The following LEMD3 variants were observed in gnomAD, a reference collection of about 807,000 sequenced individuals.
LEMD3 encodes LEM domain containing 3.
LEMD3 carries 33 observed loss-of-function variants against 95.2 expected under a neutral mutation model. The observed-to-expected ratio is 0.35, with a 90% CI of 0.26 to 0.46. The LOEUF (loss-of-function observed/expected upper bound fraction) is 0.46, where lower values mean the gene tolerates loss of function less well. Ranked by LOEUF, LEMD3 falls within the 20% of genes least tolerant of loss-of-function variation. The pLI, the probability that LEMD3 is intolerant of heterozygous loss-of-function variation, is 1.00. For synonymous variants in LEMD3, 525 were observed against 474.6 expected (o/e 1.11, Z -1.38); for missense variants, 1,210 against 1,192.8 (o/e 1.01, Z -0.21).
intron 2 of LEMD3, among the ~76,000 whole-genome samples, chr12:65,214,260 G>A (rs1451565320): frequency 1.3e-5 from 2 of 152,070 alleles, no homozygotes; most frequent in Admixed American, 6.5e-5. Context: ...CTCCCAAAGT[G>A]CTGAGATTAC....
At chr12:65,217,113 C>T (rs1870134019) in intron 3 of LEMD3, among the ~76,000 whole-genome samples, 1 of 152,136 alleles carries the variant, frequency 6.6e-6, no homozygotes, top group Admixed American at 6.5e-5. Flanking sequence ...ATCTGATGTG[C>T]TTTTAAAGAT....
intron 1 of LEMD3, among the ~76,000 whole-genome samples, chr12:65,203,217 G>T (rs960491156): frequency 5.9e-5 from 9 of 152,010 alleles, no homozygotes; most frequent in African/African-American, 1.7e-4. Context: ...CTGCAATCAG[G>T]CCTTGGCAAT....
chr12:65,177,705 G>GTAACATGT (rs552302181), intron 1 of LEMD3, among the ~76,000 whole-genome samples: 100 of 152,188 alleles, frequency 6.6e-4, no homozygotes, highest in African/African-American at 2.0e-3. Flanking sequence ...TTACAAAGAA[G>GTAACATGT]TAACATGTTT....
intron 1 of LEMD3, among the ~76,000 whole-genome samples, chr12:65,207,721 T>C (rs1869806555): frequency 6.6e-6 from 1 of 152,162 alleles, no homozygotes; most frequent in South Asian, 2.1e-4. Flanking sequence ...CTATTGCCTG[T>C]TTTCCTGACT....
chr12:65,217,676 C>T (rs979775571), intron 3 of LEMD3, among the ~76,000 whole-genome samples: 1 of 152,084 alleles, frequency 6.6e-6, no homozygotes, highest in Non-Finnish European at 1.5e-5. Context: ...AGAAAAAGCC[C>T]TGAATTCGCT....
intron 1 of LEMD3, among the ~76,000 whole-genome samples, chr12:65,180,698 A>G (rs559311757): frequency 6.6e-6 from 1 of 152,320 alleles, no homozygotes; most frequent in South Asian, 2.1e-4. Flanking sequence ...GCTTTTGCAC[A>G]GCTTTTTACT....
At position 65,170,534 on chromosome 12, in the gene LEMD3, G is replaced by A; in HGVS notation, c.938G>A (p.Gly313Glu). The change falls in exon 1 of 13, where the codon GGG (glycine) becomes GAG (glutamate). Residue 313 changes from glycine (G) to glutamate (E), a missense_variant. Transcript: ENST00000308330. ...AGGCTGGAGACTTCAGTTCAGGGAGGGGGAGGACTCGCGATGAATGACAGG... is the reference window on the plus strand; with the variant it reads ...AGGCTGGAGACTTCAGTTCAGGGAGAGGGAGGACTCGCGATGAATGACAGG... ...GGRLETSVQG[G>E]GGLAMNDRAA... 6 of 1,614,108 alleles carry A rather than the reference G, an allele frequency of 3.7e-6. No homozygotes were observed. Among genetic ancestry groups the A allele is most frequent in the Non-Finnish European group, 5.1e-6 (6 of 1,180,018 alleles).
At chr12:65,195,628 C>T (rs1869406411) in intron 1 of LEMD3, among the ~76,000 whole-genome samples, 1 of 152,098 alleles carries the variant, frequency 6.6e-6, no homozygotes, top group African/African-American at 2.4e-5. Flanking sequence ...GCTAAGGCTT[C>T]AGGCTTCAAT....
intron 1 of LEMD3, among the ~76,000 whole-genome samples, chr12:65,173,072 T>G (rs566378365): frequency 5.9e-5 from 9 of 152,314 alleles, no homozygotes; most frequent in Admixed American, 3.9e-4. Context: ...ATGCACTGAG[T>G]GTTGAACAGT....
intron 1 of LEMD3, among the ~76,000 whole-genome samples, chr12:65,184,240 C>G (rs1868993022): frequency 6.6e-6 from 1 of 152,070 alleles, no homozygotes; most frequent in Non-Finnish European, 1.5e-5. Context: ...TATTTTCTCA[C>G]AAACTTTTTC....
chr12:65,230,058 C>T (rs1332680794), intron 4 of LEMD3, among the ~76,000 whole-genome samples: 3 of 152,162 alleles, frequency 2.0e-5, no homozygotes, highest in Admixed American at 2.0e-4. Flanking sequence ...AGTGAAGAGA[C>T]TGTCCTCTCC....
intron 4 of LEMD3, among the ~76,000 whole-genome samples, chr12:65,221,769 C>T (rs999668860): frequency 2.2e-5 from 3 of 136,216 alleles, no homozygotes; most frequent in Non-Finnish European, 3.1e-5. Context: ...GAGACAGAGT[C>T]TCACTCTGTC....
chr12:65,221,033 A>G (rs924265886), intron 4 of LEMD3, among the ~76,000 whole-genome samples: 2 of 152,110 alleles, frequency 1.3e-5, no homozygotes, highest in Admixed American at 6.5e-5. Context: ...TATTAGGATT[A>G]TGTCTTCTAT....
At chr12:65,207,362 G>A (rs1869796367) in intron 1 of LEMD3, among the ~76,000 whole-genome samples, 2 of 151,990 alleles carry the variant, frequency 1.3e-5, no homozygotes, top group Non-Finnish European at 2.9e-5. Flanking sequence ...TCTTGTTGGG[G>A]GTGGGGGTGA....
intron 4 of LEMD3, among the ~76,000 whole-genome samples, chr12:65,232,737 G>C (rs927620623): frequency 6.6e-6 from 1 of 152,066 alleles, no homozygotes; most frequent in Admixed American, 6.6e-5. Context: ...TTATATTTCC[G>C]TGAAAATACA....
At chr12:65,227,427 A>G (rs1592456277) in intron 4 of LEMD3, among the ~76,000 whole-genome samples, 2 of 152,198 alleles carry the variant, frequency 1.3e-5, no homozygotes, top group African/African-American at 2.4e-5. Flanking sequence ...CTCTTAAAGC[A>G]TATGAAATAG....
chr12:65,196,918 GTTTA>G, intron 1 of LEMD3, among the ~76,000 whole-genome samples: 1 of 152,260 alleles, frequency 6.6e-6, no homozygotes, highest in South Asian at 2.1e-4. Flanking sequence ...ATTTAGCAGA[GTTTA>G]TTTAAGCAAA....
rs913205944 is a variant in LEMD3, at chr12:65,169,687, G to C, written c.91G>C (p.Val31Leu). Residue 31 changes from valine (V) to leucine (L), a missense_variant, in exon 1 of 13, where the codon GTG (valine) becomes CTG (leucine). This residue lies in a region of LEMD3 where 749 missense variants were observed against 622.9 expected (regional missense o/e 1.20). Coordinates refer to ENST00000308330, the MANE Select transcript of LEMD3 (RefSeq NM_014319.5). The part of the protein sequence containing the change: ...LRRYGLSPGP[V>L]TESTRPVYLK... ...CCGTTACGGCCTGTCTCCCGGACCA[G>C]TGACGGAGAGCACCCGCCCGGTCTA... 1 of 1,585,750 alleles carries C rather than the reference G, an allele frequency of 6.3e-7. No individual in the cohort carries two copies. Among genetic ancestry groups the C allele is most frequent in the Non-Finnish European group, 8.6e-7 (1 of 1,166,708 alleles).
intron 1 of LEMD3, among the ~76,000 whole-genome samples, chr12:65,183,540 C>A (rs1401811432): frequency 6.6e-6 from 1 of 152,048 alleles, no homozygotes; most frequent in African/African-American, 2.4e-5. Flanking sequence ...TCTATGATGT[C>A]AGTTTTGTTA....
Sources: gnomAD v4.1 joint callset for allele counts (sites outside exome capture counted in the v4.1 genomes callset) on GRCh38, gnomAD v4.1.1 for gene constraint, gnomAD v4.1.1 regional missense constraint, MANE v1.5 for transcripts, NCBI Gene and HGNC (gene_info 2026-07-23, HGNC 2026-07-21) for gene names.